CACNA2D1: variants seen among roughly 807,000 people sequenced by gnomAD.
CACNA2D1 encodes voltage-dependent calcium channel subunit alpha-2/delta-1.
A neutral mutation model predicts 171.5 loss-of-function variants in CACNA2D1; 53 were observed. The ratio of observed to expected loss-of-function variants is 0.31; its 90% CI spans 0.25 to 0.39. The LOEUF (loss-of-function observed/expected upper bound fraction) is 0.39. CACNA2D1 is among the 10% of genes least tolerant of loss of function. The pLI is 1.00. For synonymous variants in CACNA2D1, 442 were observed against 443.1 expected (o/e 1.00, Z 0.03); for missense variants, 903 against 1,299.8 (o/e 0.69, Z 4.69).
intron 6 of CACNA2D1, among the ~76,000 whole-genome samples, chr7:82,105,893 C>T (rs1410693619): frequency 1.3e-5 from 2 of 152,126 alleles, no homozygotes; most frequent in Admixed American, 6.5e-5. Context: ...AAAAACAGAG[C>T]CACCTTTTTA....
In CACNA2D1 at chr7:82,403,718, T is replaced by C. The variant is rs147781546; in HGVS notation, c.95+39647A>G. 5.3e-3 allele frequency among the ~76,000 whole-genome samples: 810 copies of C among 152,290 alleles called. 6 individuals are homozygous for C. The highest frequency in any genetic ancestry group is 0.018 in the African/African-American group (762 of 41,572). ...GAATCAGCACCCCTACCCCAAACTA[T>C]ATGGATACTACATCATGGGGGAAGA... On this transcript the variant is annotated intron_variant, in intron 1 of 38. Coordinates refer to ENST00000356860, the MANE Select transcript of CACNA2D1 (RefSeq NM_000722.4).
intron 2 of CACNA2D1, among the ~76,000 whole-genome samples, chr7:82,340,612 T>C (rs566436864): frequency 6.6e-5 from 10 of 152,326 alleles, no homozygotes; most frequent in African/African-American, 1.9e-4. Context: ...TTTCATTTCA[T>C]TTATCATTAG....
chr7:82,336,715 A>T (rs1340439035), intron 2 of CACNA2D1, among the ~76,000 whole-genome samples: 1 of 152,218 alleles, frequency 6.6e-6, no homozygotes. Flanking sequence ...TTCATTTCAG[A>T]CTAAGATAAG....
chr7:82,380,861 A>T (rs1468541640), intron 1 of CACNA2D1, among the ~76,000 whole-genome samples: 1 of 151,722 alleles, frequency 6.6e-6, no homozygotes. Flanking sequence ...CACCCGGCTA[A>T]TTTTTTTATT....
chr7:81,967,049 C>T (rs945338764), intron 31 of CACNA2D1, 120 bp downstream of exon 31: 2 of 679,640 alleles, frequency 2.9e-6, no homozygotes, highest in Admixed American at 2.8e-5. Flanking sequence ...TTTCACATTT[C>T]CATAGAATTT....
intron 2 of CACNA2D1, among the ~76,000 whole-genome samples, chr7:82,347,978 A>C (rs996533485): frequency 6.6e-6 from 1 of 152,124 alleles, no homozygotes; most frequent in African/African-American, 2.4e-5. Flanking sequence ...AAAGTTTCAC[A>C]TATTAACACC....
At chr7:82,070,642 G>A (rs926148441) in intron 7 of CACNA2D1, among the ~76,000 whole-genome samples, 1 of 152,152 alleles carries the variant, frequency 6.6e-6, no homozygotes, top group Admixed American at 6.6e-5. Context: ...CAGGCTGGAA[G>A]TGACACATAT....
rs1336176399 is a variant in CACNA2D1 at position 82,252,674 on chromosome 7, G to GGTCAAGGCCA, written c.295-82066_295-82065insTGGCCTTGAC. ...TGGGAGGCCAAGGCGGGCAGATCAT[G>GGTCAAGGCCA]AGGTCAAGAGATCGAGACCATCTGG... is the stretch of plus-strand genomic sequence containing the variant. On this transcript the variant is annotated intron_variant, in intron 3 of 38. Transcript: ENST00000356860. Among the ~76,000 whole-genome samples the GGTCAAGGCCA allele has an allele frequency of 2.3e-4, 35 of 152,234 alleles. 1 individual carries two copies. Among genetic ancestry groups the GGTCAAGGCCA allele is most frequent in the African/African-American group, 7.9e-4 (33 of 41,546 alleles).
chr7:82,437,042 C>A (rs1830163341), intron 1 of CACNA2D1, among the ~76,000 whole-genome samples: 1 of 152,030 alleles, frequency 6.6e-6, no homozygotes, highest in African/African-American at 2.4e-5. Flanking sequence ...CAAAATCCCT[C>A]AACAATTTCT....
chr7:82,224,115 C>G (rs549813299), intron 3 of CACNA2D1, among the ~76,000 whole-genome samples: 5 of 152,266 alleles, frequency 3.3e-5, no homozygotes, highest in African/African-American at 1.2e-4. Flanking sequence ...GTTTTATTCA[C>G]TACTATTTGC....
chr7:82,045,702 T>A (rs1804475348), intron 10 of CACNA2D1, among the ~76,000 whole-genome samples: 1 of 152,214 alleles, frequency 6.6e-6, no homozygotes, highest in Admixed American at 6.6e-5. Context: ...TGAATAATTT[T>A]AAAAAGTATT....
intron 1 of CACNA2D1, among the ~76,000 whole-genome samples, chr7:82,383,730 T>A (rs563676197): frequency 2.6e-5 from 4 of 152,338 alleles, no homozygotes; most frequent in African/African-American, 7.2e-5. Context: ...GGAACTTTTA[T>A]CACTTTGCCT....
At chr7:82,192,694 ACT>A (rs1395452975) in intron 3 of CACNA2D1, among the ~76,000 whole-genome samples, 1 of 150,590 alleles carries the variant, frequency 6.6e-6, no homozygotes, top group Non-Finnish European at 1.5e-5. Flanking sequence ...TCTATGCAAT[ACT>A]CTCTGTTGAT....
chr7:82,366,748 A>G (rs1454761150), intron 1 of CACNA2D1, among the ~76,000 whole-genome samples: 1 of 151,998 alleles, frequency 6.6e-6, no homozygotes, highest in Non-Finnish European at 1.5e-5. Flanking sequence ...CAGTAATGGG[A>G]TGGCTGGGTT....
chr7:81,948,235 A>C lies in CACNA2D1; in HGVS notation c.*2157T>G, dbSNP rs977933105. On this transcript the variant is annotated 3_prime_UTR_variant, in exon 39 of 39. Transcript: ENST00000356860. ...ATTTAAGATAGTCTAGCAAAAATTG[A>C]ACAATAACTTTTAAATATTTAACAA... is the stretch of plus-strand genomic sequence containing the variant. The C allele has an allele frequency of 6.6e-6, 1 of 152,038 alleles. No homozygotes were observed. The highest frequency in any genetic ancestry group is 6.6e-5 in the Admixed American group (1 of 15,252). 9.4% of individuals were successfully genotyped at this position (152,038 alleles called of 1,614,324 possible). A position where few individuals can be genotyped will look rare whatever the true frequency, so the allele number is the denominator to read the frequency against.
At chr7:82,120,869 T>C (rs1320706856) in intron 5 of CACNA2D1, among the ~76,000 whole-genome samples, 92 of 100,598 alleles carry the variant, frequency 9.1e-4, no homozygotes, top group African/African-American at 4.1e-3. Context: ...AGCGAGACTC[T>C]ATCTCAAAAA....
chr7:82,015,940 T>A (rs920983288), intron 12 of CACNA2D1, among the ~76,000 whole-genome samples: 25 of 152,182 alleles, frequency 1.6e-4, no homozygotes, highest in Non-Finnish European at 3.4e-4. Flanking sequence ...TCTTACATCA[T>A]CCAGGTTTGC....
chr7:82,010,728 T>G (rs1799685224), intron 15 of CACNA2D1, among the ~76,000 whole-genome samples: 1 of 152,204 alleles, frequency 6.6e-6, no homozygotes, highest in Non-Finnish European at 1.5e-5. Context: ...AGGCTGCTGT[T>G]AATAGTGCCT....
At chr7:82,038,870 A>T (rs1803625706) in intron 10 of CACNA2D1, among the ~76,000 whole-genome samples, 1 of 152,270 alleles carries the variant, frequency 6.6e-6, no homozygotes, top group Non-Finnish European at 1.5e-5. Flanking sequence ...TGTGGGAGAG[A>T]AAACATCAAC....
Sources: gnomAD v4.1 joint callset for allele counts (sites outside exome capture counted in the v4.1 genomes callset) on GRCh38, gnomAD v4.1.1 for gene constraint, MANE v1.5 for transcripts, NCBI Gene and HGNC (gene_info 2026-07-23, HGNC 2026-07-21) for gene names.